Variants in PACRG observed in about 807,000 individuals in gnomAD.
PACRG encodes the protein parkin coregulated gene protein.
A neutral mutation model predicts 29.7 loss-of-function variants in PACRG; 29 were observed. That is an observed-to-expected ratio of 0.98 (90% CI 0.73 to 1.33). The LOEUF is 1.33. PACRG is among the 40% of genes most tolerant of loss of function. The pLI is 0.00. For missense variants in PACRG, 279 were observed against 316.2 expected (o/e 0.88, Z 0.89); for synonymous variants, 116 against 118.7 (o/e 0.98, Z 0.15).
At chr6:162,952,856 G>A (rs1799752679) in intron 2 of PACRG, among the ~76,000 whole-genome samples, 2 of 152,052 alleles carry the variant, frequency 1.3e-5, no homozygotes, top group African/African-American at 4.8e-5. Context: ...CTTCTCTTGG[G>A]CTACCTCTAG....
Position 162,994,540 on chromosome 6 carries a change from T to A in PACRG, c.292-67610T>A, listed in dbSNP as rs747601855. On this transcript the variant is annotated intron_variant, in intron 2 of 4. Coordinates refer to ENST00000366888, the MANE Select transcript of PACRG (RefSeq NM_001080379.2). ...TTCTTCCAGTTGATCGCATCGGCTC[T>A]TGAGGCTTCTGCATTCTTCACGTAG... Among the ~76,000 whole-genome samples, 13 of 152,258 alleles carry A rather than the reference T, an allele frequency of 8.5e-5. No individual in the cohort carries two copies. The East Asian group carries it at 2.3e-3, about 27-fold the overall frequency.
intron 4 of PACRG, among the ~76,000 whole-genome samples, chr6:163,232,276 G>A (rs775849368): frequency 1.7e-4 from 26 of 152,152 alleles, no homozygotes; most frequent in Admixed American, 6.5e-5. Context: ...CCTGCACCAG[G>A]TGCCGTGTCC....
chr6:163,062,499 A>G (rs914987349), intron 3 of PACRG, among the ~76,000 whole-genome samples, 178 bp downstream of exon 3: 1 of 152,208 alleles, frequency 6.6e-6, no homozygotes, highest in African/African-American at 2.4e-5. Flanking sequence ...CATCATCAAT[A>G]TTTCACTATG....
chr6:163,069,524 A>T (rs1436068536), intron 3 of PACRG, among the ~76,000 whole-genome samples: 4 of 152,180 alleles, frequency 2.6e-5, no homozygotes, highest in African/African-American at 9.6e-5. Context: ...TGAAGAATGC[A>T]TCAGAGTCTT....
At chr6:163,039,048 G>A (rs761657108) in intron 2 of PACRG, among the ~76,000 whole-genome samples, 2 of 152,180 alleles carry the variant, frequency 1.3e-5, no homozygotes, top group Non-Finnish European at 1.5e-5. Flanking sequence ...CCTGTGTGTC[G>A]AGGGAGGGAC....
chr6:163,101,476 T>A, intron 4 of PACRG: 1 of 882,898 alleles, frequency 1.1e-6, no homozygotes, highest in Non-Finnish European at 1.4e-6. Context: ...CCAAATGTCT[T>A]AGATGTTGTT....
intron 1 of PACRG, among the ~76,000 whole-genome samples, chr6:162,743,215 G>A (rs912457921): frequency 6.6e-6 from 1 of 151,962 alleles, no homozygotes; most frequent in Non-Finnish European, 1.5e-5. Context: ...TAAAAAATTT[G>A]TTCTTTTGCT....
At chr6:162,981,868 T>A (rs921426094) in intron 2 of PACRG, among the ~76,000 whole-genome samples, 1 of 151,922 alleles carries the variant, frequency 6.6e-6, no homozygotes, top group Non-Finnish European at 1.5e-5. Flanking sequence ...GTACCAATTC[T>A]TTTTTGAATG....
intron 2 of PACRG, among the ~76,000 whole-genome samples, chr6:162,817,075 G>A (rs1036188641): frequency 6.6e-6 from 1 of 152,194 alleles, no homozygotes; most frequent in Non-Finnish European, 1.5e-5. Context: ...GTGAGAAGCA[G>A]GTCTGTTGCT....
intron 2 of PACRG, among the ~76,000 whole-genome samples, chr6:162,856,231 A>T (rs1343974590): frequency 2.0e-5 from 3 of 151,804 alleles, no homozygotes; most frequent in East Asian, 1.9e-4. Flanking sequence ...GTAATTTTTT[A>T]AATTTTTTGT....
intron 2 of PACRG, among the ~76,000 whole-genome samples, chr6:162,827,783 T>A (rs1224857255): frequency 2.0e-5 from 3 of 152,038 alleles, no homozygotes; most frequent in African/African-American, 7.2e-5. Flanking sequence ...ATTGCCTCCA[T>A]ATCCACCTCC....
intron 2 of PACRG, among the ~76,000 whole-genome samples, chr6:162,963,015 A>G (rs539319447): frequency 4.6e-5 from 7 of 152,184 alleles, no homozygotes; most frequent in Non-Finnish European, 8.8e-5. Flanking sequence ...TTATAGATCT[A>G]TATTAGTTCT....
chr6:163,273,630 C>T (rs1055837066), intron 4 of PACRG, among the ~76,000 whole-genome samples: 10 of 152,058 alleles, frequency 6.6e-5, no homozygotes, highest in African/African-American at 2.4e-4. Flanking sequence ...AAACTTATGT[C>T]CTGTGTTTCT....
chr6:163,011,358 G>A lies in PACRG; in HGVS notation c.292-50792G>A, dbSNP rs779441546. 5.3e-5 allele frequency among the ~76,000 whole-genome samples: 8 copies of A among 152,326 alleles called. No individual in the cohort carries two copies. The South Asian group carries it at 6.2e-4, about 12-fold the overall frequency. On this transcript the variant is annotated intron_variant, in intron 2 of 4. Coordinates refer to ENST00000366888, the MANE Select transcript of PACRG (RefSeq NM_001080379.2). The stretch of plus-strand genomic sequence containing the variant: ...AAATAAACCCCTACAGCAAGTGATC[G>A]TCCTGAATACTGTAGACAATTGTAA...
Position 163,272,712 on chromosome 6 carries a change from C to T in PACRG, c.614-42115C>T, listed in dbSNP as rs116693351. 7.0e-3 allele frequency among the ~76,000 whole-genome samples: 1,059 copies of T among 152,004 alleles called. 14 individuals are homozygous for T. Among genetic ancestry groups the T allele is most frequent in the African/African-American group, 0.024 (990 of 41,486 alleles). ...CTTATAAAGGCAGTATTTCACTCTT[C>T]GTATTTTGTTTTTATCAATGGTGGT... On this transcript the variant is annotated intron_variant, in intron 4 of 4. Coordinates refer to ENST00000366888, the MANE Select transcript of PACRG (RefSeq NM_001080379.2).
intron 1 of PACRG, among the ~76,000 whole-genome samples, chr6:162,789,962 T>A (rs1301165836): frequency 6.6e-6 from 1 of 152,176 alleles, no homozygotes; most frequent in Admixed American, 6.5e-5. Context: ...GATCATAAAA[T>A]CACATTTAGC....
chr6:162,944,859 T>G (rs954950224), intron 2 of PACRG, among the ~76,000 whole-genome samples: 1 of 151,968 alleles, frequency 6.6e-6, no homozygotes, highest in South Asian at 2.1e-4. Context: ...TATTTGAAAT[T>G]TTGGTGTACC....
intron 2 of PACRG, among the ~76,000 whole-genome samples, chr6:162,857,655 G>C (rs182189353): frequency 2.0e-5 from 3 of 152,110 alleles, no homozygotes; most frequent in African/African-American, 7.2e-5. Flanking sequence ...GTGTGATTTT[G>C]GTAATTACAA....
intron 2 of PACRG, among the ~76,000 whole-genome samples, chr6:162,947,340 ATAATGATTACATATATATAATGTAATC>A (rs1799119628): frequency 5.7e-5 from 1 of 17,640 alleles, no homozygotes; most frequent in African/African-American, 1.1e-4. Context: ...AATCATATAT[ATAATGATTACATATATATAATGTAATC>A]ATATATAATC....
Sources: allele counts gnomAD v4.1 joint callset (sites outside exome capture counted in the v4.1 genomes callset), GRCh38; gene constraint gnomAD v4.1.1; transcripts MANE v1.5; gene names NCBI Gene and HGNC (gene_info 2026-07-23, HGNC 2026-07-21).